ANAPC10: variants seen among roughly 807,000 people sequenced by gnomAD.
ANAPC10 encodes the protein anaphase promoting complex subunit 10.
Under a neutral mutation model 22.0 loss-of-function variants are expected in ANAPC10, and 12 were observed. That is an observed-to-expected ratio of 0.55 (90% CI 0.35 to 0.88). The LOEUF (loss-of-function observed/expected upper bound fraction) is 0.88, where lower values mean the gene tolerates loss of function less well. ANAPC10 is among the 40% of genes least tolerant of loss of function. The pLI, the probability that ANAPC10 is intolerant of heterozygous loss-of-function variation, is 0.01. For missense variants in ANAPC10, 188 were observed against 220.9 expected (o/e 0.85, Z 0.94); for synonymous variants, 65 against 69.5 (o/e 0.94, Z 0.32).
chr4:145,082,335 G>T (rs903907467), intron 2 of ANAPC10, among the ~76,000 whole-genome samples: 6 of 152,134 alleles, frequency 3.9e-5, no homozygotes, highest in African/African-American at 1.4e-4. Context: ...TTTTAGTAGA[G>T]AAGGCGTTTC....
intron 2 of ANAPC10, among the ~76,000 whole-genome samples, chr4:145,093,541 AT>A (rs1049739151): frequency 1.1e-4 from 16 of 152,162 alleles, no homozygotes; most frequent in Middle Eastern, 3.4e-3. Context: ...GGAATCTTAA[AT>A]AACTATAACT....
intron 4 of ANAPC10, among the ~76,000 whole-genome samples, chr4:145,051,874 T>C (rs1741151407): frequency 6.6e-6 from 1 of 152,198 alleles, no homozygotes; most frequent in Non-Finnish European, 1.5e-5. Context: ...AAGGACACTA[T>C]CTATTAAATA....
At chr4:145,066,664 A>C (rs1209551543) in intron 3 of ANAPC10, among the ~76,000 whole-genome samples, 4 of 152,194 alleles carry the variant, frequency 2.6e-5, no homozygotes, top group Admixed American at 2.6e-4. Context: ...CAGTAACAGC[A>C]AAGAGCAAGT....
At chr4:145,066,731 C>T (rs1457663513) in intron 3 of ANAPC10, among the ~76,000 whole-genome samples, 1 of 151,510 alleles carries the variant, frequency 6.6e-6, no homozygotes, top group East Asian at 1.9e-4. Flanking sequence ...TCATTTATTT[C>T]TCAGTGTTGT....
intron 4 of ANAPC10, among the ~76,000 whole-genome samples, chr4:145,021,371 A>G (rs1201654574): frequency 6.6e-6 from 1 of 152,082 alleles, no homozygotes; most frequent in East Asian, 1.9e-4. Flanking sequence ...AAATAAACCC[A>G]AATACCTACA....
At chr4:145,011,999 G>C (rs1734389712) in intron 4 of ANAPC10, among the ~76,000 whole-genome samples, 1 of 151,940 alleles carries the variant, frequency 6.6e-6, no homozygotes, top group Admixed American at 6.6e-5. Flanking sequence ...CTGCAAAGCA[G>C]CTTCCACTGC....
chr4:145,046,124 A>G (rs1402547302), intron 4 of ANAPC10, among the ~76,000 whole-genome samples: 1 of 152,130 alleles, frequency 6.6e-6, no homozygotes, highest in Non-Finnish European at 1.5e-5. Flanking sequence ...CATTGGCTAC[A>G]GTGACTTTCA....
intron 4 of ANAPC10, among the ~76,000 whole-genome samples, chr4:145,054,293 T>TGTA (rs1421006132): frequency 6.6e-6 from 1 of 150,582 alleles, no homozygotes; most frequent in Non-Finnish European, 1.5e-5. Flanking sequence ...AGCTCACACC[T>TGTA]GTAATTCCAG....
At chr4:145,092,237 G>GTTGA (rs1262165929) in intron 2 of ANAPC10, among the ~76,000 whole-genome samples, 1 of 152,136 alleles carries the variant, frequency 6.6e-6, no homozygotes, top group Non-Finnish European at 1.5e-5. Context: ...TATGTGATAA[G>GTTGA]TTGATAGGTG....
intron 4 of ANAPC10, among the ~76,000 whole-genome samples, chr4:145,046,391 G>A (rs764788931): frequency 4.6e-5 from 7 of 151,998 alleles, no homozygotes; most frequent in African/African-American, 1.7e-4. Context: ...ATATTATAAA[G>A]TCAGCTTTAC....
intron 2 of ANAPC10, among the ~76,000 whole-genome samples, chr4:145,088,003 G>A (rs13117746): frequency 0.2 from 29,959 of 152,032 alleles, 3,425 homozygotes; most frequent in East Asian, 0.45. Context: ...AGCTGAGATC[G>A]CACCACTGCA....
At chr4:145,041,329 A>G (rs1739487859) in intron 4 of ANAPC10, among the ~76,000 whole-genome samples, 1 of 152,260 alleles carries the variant, frequency 6.6e-6, no homozygotes, top group South Asian at 2.1e-4. Context: ...CTTAGATAGC[A>G]TGAAGTTTGA....
intron 4 of ANAPC10, among the ~76,000 whole-genome samples, chr4:145,060,003 C>A (rs1164737769): frequency 6.6e-6 from 1 of 152,022 alleles, no homozygotes; most frequent in Non-Finnish European, 1.5e-5. Flanking sequence ...TGAATTCATG[C>A]ACAAAAGTAA....
rs1042360576 is a variant in ANAPC10 at position 145,016,224 on chromosome 4, C to T, written c.328-20621G>A. On this transcript the variant is annotated intron_variant, in intron 4 of 4. Coordinates refer to ENST00000507656, the MANE Select transcript of ANAPC10 (RefSeq NM_001256706.2). ...ATGATTGTATATTTAGAAAACCCCA[C>T]CGTCTCAGCCCAAAATCTCCTTAAG... is the stretch of plus-strand genomic sequence containing the variant. 2.6e-5 allele frequency among the ~76,000 whole-genome samples: 4 copies of T among 152,258 alleles called. No homozygotes were observed. In the East Asian group the frequency reaches 5.8e-4, roughly 22 times the overall value.
chr4:145,089,308 CA>C (rs201579388), intron 2 of ANAPC10, among the ~76,000 whole-genome samples: 9 of 149,872 alleles, frequency 6.0e-5, no homozygotes, highest in East Asian at 2.0e-4. Flanking sequence ...TCAATGTCTT[CA>C]AAAAAAAACA....
rs1736786719 is a variant in ANAPC10, at chr4:145,026,955, G to GTGTGTGTATA, written c.328-31353_328-31352insTATACACACA. On this transcript the variant is annotated intron_variant, in intron 4 of 4. Transcript: ENST00000507656. ...TATATATATATATATATGTGTGTGT[G>GTGTGTGTATA]TGTATATATATATATATATATATAT... 1.2e-4 allele frequency among the ~76,000 whole-genome samples: 2 copies of GTGTGTGTATA among 17,044 alleles called. 1 individual carries two copies. Among genetic ancestry groups the GTGTGTGTATA allele is most frequent in the Non-Finnish European group, 2.1e-4 (2 of 9,548 alleles). 11.2% of individuals were successfully genotyped at this position (17,044 alleles called of 152,430 possible).
intron 4 of ANAPC10, among the ~76,000 whole-genome samples, chr4:145,013,879 T>C (rs1449074461): frequency 6.6e-6 from 1 of 151,978 alleles, no homozygotes; most frequent in Non-Finnish European, 1.5e-5. Context: ...CTGAATCAAT[T>C]TAGGGAGCAG....
intron 4 of ANAPC10, chr4:145,053,538 T>G: frequency 5.0e-6 from 2 of 401,474 alleles, no homozygotes; most frequent in Non-Finnish European, 4.4e-6. Flanking sequence ...AAAAAAGTGG[T>G]GAGATGGCTA....
intron 4 of ANAPC10, among the ~76,000 whole-genome samples, chr4:145,061,605 C>T (rs2126443153): frequency 6.6e-6 from 1 of 152,276 alleles, no homozygotes; most frequent in Admixed American, 6.5e-5. Context: ...TCACTTATCA[C>T]AACTGCCTGA....
Sources: allele counts gnomAD v4.1 joint callset (sites outside exome capture counted in the v4.1 genomes callset), GRCh38; gene constraint gnomAD v4.1.1; transcripts MANE v1.5; gene names NCBI Gene and HGNC (gene_info 2026-07-23, HGNC 2026-07-21).